RBPJ: variants seen among roughly 807,000 people sequenced by gnomAD.
RBPJ encodes recombination signal binding protein for immunoglobulin kappa J region.
A neutral mutation model predicts 67.8 loss-of-function variants in RBPJ; 9 were observed. The ratio of observed to expected loss-of-function variants is 0.13; its 90% CI spans 0.08 to 0.23. RBPJ has a LOEUF of 0.23. Ranked by LOEUF, RBPJ falls within the 10% of genes least tolerant of loss-of-function variation. The pLI is 1.00. For missense variants in RBPJ, 305 were observed against 595.6 expected (o/e 0.51, Z 5.08); for synonymous variants, 198 against 203.3 (o/e 0.97, Z 0.22).
At chr4:26,339,868 A>C (rs947909190) in intron 1 of RBPJ, among the ~76,000 whole-genome samples, 2 of 152,198 alleles carry the variant, frequency 1.3e-5, no homozygotes, top group African/African-American at 4.8e-5. Flanking sequence ...AAAATACAAA[A>C]ATTAGCCGGG....
intron 1 of RBPJ, among the ~76,000 whole-genome samples, chr4:26,357,286 T>A (rs1322370001): frequency 6.6e-6 from 1 of 152,118 alleles, no homozygotes; most frequent in Non-Finnish European, 1.5e-5. Context: ...AAGGAAGAAC[T>A]TAATGAAGGC....
chr4:26,352,372 G>A (rs1028777521), intron 1 of RBPJ, among the ~76,000 whole-genome samples: 5 of 152,196 alleles, frequency 3.3e-5, no homozygotes, highest in African/African-American at 1.2e-4. Flanking sequence ...TCCCATTCAT[G>A]AGAGCTGTGC....
intron 7 of RBPJ, among the ~76,000 whole-genome samples, chr4:26,426,993 A>G (rs569585422): frequency 1.2e-4 from 18 of 152,290 alleles, no homozygotes; most frequent in African/African-American, 4.3e-4. Flanking sequence ...ACGATGGCCT[A>G]TTTTTGTTTA....
At position 26,335,617 on chromosome 4, in the gene RBPJ, C is replaced by CT. The variant is rs34386877; in HGVS notation, c.20+14589dup. On this transcript the variant is annotated intron_variant, in intron 1 of 10. Transcript: ENST00000355476. Reference sequence around the variant, plus strand: ...TTCCCCAGCCCACATATGCTTACTTCTTTTTTTTTTTTTTTTTTTTGAGCC... The same window carrying CT: ...TTCCCCAGCCCACATATGCTTACTTCTTTTTTTTTTTTTTTTTTTTTGAGCC... Among the ~76,000 whole-genome samples, 736 of 107,836 alleles carry CT rather than the reference C, an allele frequency of 6.8e-3. 12 individuals are homozygous for CT. Among genetic ancestry groups the CT allele is most frequent in the Non-Finnish European group, 7.6e-3 (401 of 53,006 alleles). 70.7% of individuals were successfully genotyped at this position (107,836 alleles called of 152,430 possible).
At chr4:26,336,186 G>C (rs575878878) in intron 1 of RBPJ, among the ~76,000 whole-genome samples, 7 of 152,134 alleles carry the variant, frequency 4.6e-5, no homozygotes, top group Non-Finnish European at 8.8e-5. Flanking sequence ...AAGACAGTTC[G>C]CTAGATCCCA....
intron 2 of RBPJ, among the ~76,000 whole-genome samples, chr4:26,391,941 G>C (rs1371643265): frequency 6.6e-6 from 1 of 152,208 alleles, no homozygotes; most frequent in Non-Finnish European, 1.5e-5. Context: ...TTTGATGTCT[G>C]TTGGGAGATG....
At chr4:26,112,851 C>T in the RBPJ span, 1 of 148,254 alleles carries the variant, frequency 6.7e-6, no homozygotes, top group African/African-American at 2.5e-5. Flanking sequence ...CTCCACCTCT[C>T]AGGTTCAAGC....
In RBPJ at chr4:26,300,601, C is replaced by G. The variant is rs546509335; in HGVS notation, c.-166-61845C>G. 2.6e-5 allele frequency among the ~76,000 whole-genome samples: 4 copies of G among 152,346 alleles called. No homozygotes were observed. In the South Asian group the frequency reaches 8.3e-4, roughly 32 times the overall value. ...AATAGAAGTCCGCCTCCCTCCCTCTCTAGCACTGATCACTCCTGTTTAATT... is the reference window on the plus strand; with the variant it reads ...AATAGAAGTCCGCCTCCCTCCCTCTGTAGCACTGATCACTCCTGTTTAATT... On this transcript the variant is annotated intron_variant, in intron 1 of 4. Coordinates refer to the RBPJ transcript ENST00000512351.
rs1736428295 is a variant in RBPJ at position 26,433,696 on chromosome 4, G to A, written c.*2689G>A. On this transcript the variant is annotated 3_prime_UTR_variant, in exon 11 of 11. Transcript: ENST00000355476. ...CATACCACAGACTAAAGAGTGAAAT[G>A]ATTTGTCCATTGTAGCTTATTGTTT... 6.6e-6 allele frequency: 1 copy of A among 152,054 alleles called. No individual in the cohort carries two copies. The highest frequency in any genetic ancestry group is 1.5e-5 in the Non-Finnish European group (1 of 67,996). 9.4% of individuals were successfully genotyped at this position (152,054 alleles called of 1,614,324 possible).
At chr4:26,134,592 T>G in the RBPJ span, among the ~76,000 whole-genome samples, 1 of 152,238 alleles carries the variant, frequency 6.6e-6, no homozygotes, top group Non-Finnish European at 1.5e-5. Context: ...TCCCTGCAAA[T>G]GCAACTTCCC....
chr4:26,417,124 A>G (rs1006171571), intron 4 of RBPJ, among the ~76,000 whole-genome samples: 1 of 152,198 alleles, frequency 6.6e-6, no homozygotes, highest in East Asian at 1.9e-4. Context: ...CTTCACATGT[A>G]GACATTCAGT....
intron 1 of RBPJ, among the ~76,000 whole-genome samples, chr4:26,166,021 T>C (rs1193682065): frequency 6.6e-6 from 1 of 151,332 alleles, no homozygotes; most frequent in Non-Finnish European, 1.5e-5. Flanking sequence ...TCCAATTTCA[T>C]CCATGTCCCT....
chr4:26,418,991 C>T (rs1734856552), intron 4 of RBPJ, among the ~76,000 whole-genome samples: 1 of 151,960 alleles, frequency 6.6e-6, no homozygotes, highest in African/African-American at 2.4e-5. Flanking sequence ...TATCTTTATT[C>T]ATTTTGAGAC....
chr4:26,401,285 A>G (rs1020903987), intron 2 of RBPJ, among the ~76,000 whole-genome samples: 8 of 152,206 alleles, frequency 5.3e-5, no homozygotes, highest in Non-Finnish European at 8.8e-5. Context: ...TTTCACACCA[A>G]AGCTATACCC....
At chr4:26,210,490 G>A (rs1199756064) in intron 1 of RBPJ, among the ~76,000 whole-genome samples, 1 of 152,096 alleles carries the variant, frequency 6.6e-6, no homozygotes, top group Non-Finnish European at 1.5e-5. Flanking sequence ...AAAAATCATT[G>A]TTAGTATTAT....
At chr4:26,117,120 T>G in the RBPJ span, among the ~76,000 whole-genome samples, 1 of 152,100 alleles carries the variant, frequency 6.6e-6, no homozygotes, top group Non-Finnish European at 1.5e-5. Context: ...GGCAGGAGAG[T>G]TGATTTTTTA....
rs61575988 is a variant in RBPJ, at chr4:26,407,883, C to CTTTTTTT, written c.155+1636_155+1642dup. ...TGAAAAGAGGGGTAAAGCTTTCTTT[C>CTTTTTTT]TTTTTTTTTTTTTTTTTTTTTTTTT... On this transcript the variant is annotated intron_variant, in intron 3 of 10. Transcript: ENST00000355476. Among the ~76,000 whole-genome samples, 146 of 63,624 alleles carry CTTTTTTT rather than the reference C, an allele frequency of 2.3e-3. 13 individuals carry two copies. The highest frequency in any genetic ancestry group is 9.1e-3 in the African/African-American group (137 of 15,126). The allele number at this position is 63,624 out of a possible 152,430, so 41.7% of individuals were successfully genotyped here. A position where few individuals can be genotyped will look rare whatever the true frequency, so the allele number is the denominator to read the frequency against.
chr4:26,105,943 C>G, the RBPJ span, among the ~76,000 whole-genome samples: 1 of 152,116 alleles, frequency 6.6e-6, no homozygotes, highest in Admixed American at 6.5e-5. Context: ...TCATGGAGTG[C>G]GATTTATCTA....
At chr4:26,422,211 CT>C (rs34021965) in intron 5 of RBPJ, among the ~76,000 whole-genome samples, 102,732 of 147,554 alleles carry the variant, frequency 0.7, 35,662 homozygotes, top group East Asian at 0.84. Context: ...TGATTATCCC[CT>C]TTTTTTTTTT....
Sources: allele counts gnomAD v4.1 joint callset (sites outside exome capture counted in the v4.1 genomes callset), GRCh38; gene constraint gnomAD v4.1.1; transcripts MANE v1.5; gene names NCBI Gene and HGNC (gene_info 2026-07-23, HGNC 2026-07-21).